The following FLI1 variants were observed in gnomAD, a reference collection of about 807,000 sequenced individuals.
FLI1 encodes the protein Friend leukemia integration 1 transcription factor.
In FLI1, 13 loss-of-function variants were observed where a neutral mutation model predicts 53.1. The ratio of observed to expected loss-of-function variants is 0.24; its 90% confidence interval spans 0.16 to 0.39. FLI1 has a LOEUF of 0.39. Among genes scored for constraint, FLI1 ranks in the 10% least tolerant of loss-of-function variants. FLI1 has a pLI of 1.00. For synonymous variants in FLI1, 244 were observed against 236.7 expected (o/e 1.03, Z -0.28); for missense variants, 424 against 600.5 (o/e 0.71, Z 3.07).
At chr11:128,734,663 T>A (rs1939842867) in intron 1 of FLI1, among the ~76,000 whole-genome samples, 1 of 152,114 alleles carries the variant, frequency 6.6e-6, no homozygotes, top group Non-Finnish European at 1.5e-5. Flanking sequence ...TTTGAGAAAA[T>A]GTCAGGGAGG....
chr11:128,788,482 A>G (rs955127672), intron 5 of FLI1, among the ~76,000 whole-genome samples: 1 of 152,154 alleles, frequency 6.6e-6, no homozygotes, highest in Non-Finnish European at 1.5e-5. Context: ...AAACAAAGCA[A>G]AAAAACAACT....
chr11:128,765,776 G>A (rs1265952343), intron 2 of FLI1, among the ~76,000 whole-genome samples: 2 of 152,214 alleles, frequency 1.3e-5, no homozygotes, highest in Non-Finnish European at 2.9e-5. Flanking sequence ...GTGAGTGTGT[G>A]TGTATGCACG....
intron 5 of FLI1, among the ~76,000 whole-genome samples, chr11:128,791,277 T>C (rs1167915261): frequency 6.6e-6 from 1 of 152,172 alleles, no homozygotes; most frequent in African/African-American, 2.4e-5. Context: ...CTACTCTATC[T>C]TCAACCACAC....
chr11:128,779,078 A>G (rs760565994), intron 4 of FLI1, among the ~76,000 whole-genome samples: 14 of 152,244 alleles, frequency 9.2e-5, no homozygotes, highest in Non-Finnish European at 1.9e-4. Flanking sequence ...TATACATTTC[A>G]TGCAAGCTTT....
rs34130629 is a variant in FLI1 at position 128,790,253 on chromosome 11, AT to A, written c.655+8243del. Among the ~76,000 whole-genome samples, 979 of 141,214 alleles carry A rather than the reference AT, an allele frequency of 6.9e-3. 2 individuals carry two copies. The highest frequency in any genetic ancestry group is 0.011 in the Middle Eastern group (3 of 270). The allele number at this position is 141,214 out of a possible 152,430, so 92.6% of individuals were successfully genotyped here. On this transcript the variant is annotated intron_variant, in intron 5 of 8. Transcript: ENST00000527786. ...TATCTGACCCTCTTCGGAGAGTTGC[AT>A]TTTTTTTTTTTTCCACGAGAGAGAG... is the stretch of plus-strand genomic sequence containing the variant.
intron 5 of FLI1, among the ~76,000 whole-genome samples, chr11:128,794,264 G>A (rs1942363835): frequency 6.6e-6 from 1 of 151,888 alleles, no homozygotes; most frequent in Non-Finnish European, 1.5e-5. Flanking sequence ...AATACTTTGG[G>A]AAAAAAAAGG....
rs186951148 is a variant in FLI1, at chr11:128,801,043, A to G, written c.656-4323A>G. On this transcript the variant is annotated intron_variant, in intron 5 of 8. Coordinates refer to ENST00000527786, the MANE Select transcript of FLI1 (RefSeq NM_002017.5). The stretch of plus-strand genomic sequence containing the variant: ...CCATCTGCCACCACAGAAACAGACC[A>G]AGATCATCAACTGGTACACTGGTGC... Among the ~76,000 whole-genome samples the G allele has an allele frequency of 1.7e-3, 262 of 152,378 alleles. 1 individual carries two copies. Among genetic ancestry groups the G allele is most frequent in the African/African-American group, 5.9e-3 (245 of 41,596 alleles).
rs1440809491 is a variant in FLI1 at position 128,812,475 on chromosome 11, G to C, written c.*1487G>C. 1 of 225,564 alleles carries C rather than the reference G, an allele frequency of 4.4e-6. No homozygotes were observed. The highest frequency in any genetic ancestry group is 8.8e-6 in the Non-Finnish European group (1 of 113,230). 14.0% of individuals were successfully genotyped at this position (225,564 alleles called of 1,614,324 possible). On this transcript the variant is annotated 3_prime_UTR_variant, in exon 9 of 9. Transcript: ENST00000527786. Reference sequence around the variant, plus strand: ...GTTAGGTCAAAGGGTTTTCCCTGGGGAACTTTCCTATTTACTTCTTGCACT... The same window carrying C: ...GTTAGGTCAAAGGGTTTTCCCTGGGCAACTTTCCTATTTACTTCTTGCACT...
chr11:128,768,070 G>T, intron 2 of FLI1, 48 bp from the exon 3 acceptor site: 1 of 1,532,258 alleles, frequency 6.5e-7, no homozygotes, highest in Non-Finnish European at 8.8e-7. Flanking sequence ...GAGGCAAGCT[G>T]CCCTGTCAGT....
At chr11:128,749,062 T>G (rs1940533198) in intron 1 of FLI1, among the ~76,000 whole-genome samples, 1 of 152,212 alleles carries the variant, frequency 6.6e-6, no homozygotes, top group Admixed American at 6.5e-5. Context: ...GGACTTAGAC[T>G]TTAATTCTGA....
chr11:128,713,117 G>A (rs1244703932), intron 1 of FLI1, among the ~76,000 whole-genome samples: 4 of 152,172 alleles, frequency 2.6e-5, no homozygotes, highest in Admixed American at 2.6e-4. Flanking sequence ...AAACAAAGAT[G>A]GGCAGACTCC....
At chr11:128,731,820 T>C (rs944511424) in intron 1 of FLI1, among the ~76,000 whole-genome samples, 2 of 151,976 alleles carry the variant, frequency 1.3e-5, no homozygotes, top group African/African-American at 2.4e-5. Flanking sequence ...CTGGCCAACA[T>C]GGCAAAACCT....
intron 2 of FLI1, among the ~76,000 whole-genome samples, chr11:128,760,081 G>A (rs778809090): frequency 5.9e-5 from 9 of 152,194 alleles, no homozygotes; most frequent in Non-Finnish European, 8.8e-5. Context: ...TTCTGAGCCT[G>A]CAGCCCCTCA....
intron 1 of FLI1, among the ~76,000 whole-genome samples, chr11:128,706,094 C>T (rs1311954712): frequency 2.6e-5 from 4 of 152,216 alleles, no homozygotes; most frequent in Non-Finnish European, 5.9e-5. Context: ...ACGTGGAACA[C>T]CTCTCTACAT....
intron 1 of FLI1, among the ~76,000 whole-genome samples, chr11:128,724,928 G>A (rs1440172538): frequency 6.6e-6 from 1 of 152,162 alleles, no homozygotes; most frequent in Non-Finnish European, 1.5e-5. Flanking sequence ...GAGAATGATG[G>A]GGTTCAGTAA....
At chr11:128,715,762 T>C (rs1938982330) in intron 1 of FLI1, among the ~76,000 whole-genome samples, 1 of 151,924 alleles carries the variant, frequency 6.6e-6, no homozygotes, top group Non-Finnish European at 1.5e-5. Context: ...GGAAAAAAAA[T>C]GAAGAAAACA....
intron 4 of FLI1, among the ~76,000 whole-genome samples, chr11:128,778,075 G>A (rs1941796112): frequency 6.6e-6 from 1 of 152,212 alleles, no homozygotes; most frequent in Non-Finnish European, 1.5e-5. Flanking sequence ...CTCAGCAGGA[G>A]CTACTTTATG....
At chr11:128,697,038 G>A (rs1938109385) in intron 1 of FLI1, among the ~76,000 whole-genome samples, 1 of 152,100 alleles carries the variant, frequency 6.6e-6, no homozygotes. Flanking sequence ...CGTCACATTG[G>A]GAGAAGCAAT....
chr11:128,689,827 C>A (rs534099903), upstream of FLI1, among the ~76,000 whole-genome samples: 99 of 152,328 alleles, frequency 6.5e-4, no homozygotes, highest in Middle Eastern at 3.4e-3. Context: ...GGTCTGGGGG[C>A]TCGGAGACCC....
Sources: allele counts gnomAD v4.1 joint callset (sites outside exome capture counted in the v4.1 genomes callset), GRCh38; gene constraint gnomAD v4.1.1; transcripts MANE v1.5; gene names NCBI Gene and HGNC (gene_info 2026-07-23, HGNC 2026-07-21).